SPON1: variants seen among roughly 807,000 people sequenced by gnomAD.
SPON1 encodes the protein spondin 1.
SPON1 carries 52 observed loss-of-function variants against 111.7 expected under a neutral mutation model. That is an observed-to-expected ratio of 0.47 (90% CI 0.37 to 0.59). The LOEUF (loss-of-function observed/expected upper bound fraction) is 0.59. SPON1 is among the 20% of genes least tolerant of loss of function. The probability of loss-of-function intolerance (pLI) is 0.00; values close to 1 mark genes in which losing one functional copy is unlikely to be tolerated. For synonymous variants in SPON1, 410 were observed against 395.8 expected (o/e 1.04, Z -0.43); for missense variants, 957 against 1,068.5 (o/e 0.90, Z 1.46).
At chr11:14,206,438 A>G (rs1470782482) in intron 6 of SPON1, among the ~76,000 whole-genome samples, 3 of 152,220 alleles carry the variant, frequency 2.0e-5, no homozygotes, top group African/African-American at 7.2e-5. Flanking sequence ...TGATCCGCCC[A>G]CCTCAGCCTC....
At chr11:14,032,987 C>T (rs1265117369) in intron 2 of SPON1, among the ~76,000 whole-genome samples, 1 of 152,182 alleles carries the variant, frequency 6.6e-6, no homozygotes, top group African/African-American at 2.4e-5. Flanking sequence ...TGATAGGAAA[C>T]TTTGGTCGTG....
In SPON1 at chr11:14,028,210, G is replaced by A. The variant is rs998704599; in HGVS notation, c.346-13311G>A. 5.9e-5 allele frequency among the ~76,000 whole-genome samples: 9 copies of A among 152,238 alleles called. No homozygotes were observed. In the East Asian group the frequency reaches 1.2e-3, roughly 20 times the overall value. ...AGAATGTAGAGTCTGTGCCAGGTTT[G>A]GTGGCTCACACCTGTAATCTCAGCT... On this transcript the variant is annotated intron_variant, in intron 2 of 15. Transcript: ENST00000576479.
chr11:14,014,479 A>C (rs993171888), intron 2 of SPON1, among the ~76,000 whole-genome samples: 2 of 152,232 alleles, frequency 1.3e-5, no homozygotes, highest in Non-Finnish European at 2.9e-5. Flanking sequence ...GATTCAAGGA[A>C]CTATGGCAGG....
rs113156400 is a variant in SPON1, at chr11:14,186,525, G to A, written c.825+50957G>A. On this transcript the variant is annotated intron_variant, in intron 6 of 15. Coordinates refer to ENST00000576479, the MANE Select transcript of SPON1 (RefSeq NM_006108.4). ...TTTGATGTAGTGGGAAATTGTGAAT[G>A]GTATTTTCTTTGACTCTGTACCTTT... Among the ~76,000 whole-genome samples, 492 of 152,192 alleles carry A rather than the reference G, an allele frequency of 3.2e-3. 7 individuals are homozygous for A. The highest frequency in any genetic ancestry group is 0.011 in the African/African-American group (452 of 41,520).
intron 5 of SPON1, among the ~76,000 whole-genome samples, chr11:14,125,845 G>A (rs1296103506): frequency 6.6e-6 from 1 of 152,224 alleles, no homozygotes; most frequent in Non-Finnish European, 1.5e-5. Context: ...AGACAATGCA[G>A]TTAGCAAGCT....
chr11:14,019,355 AATTATAT>A (rs1554914583), intron 2 of SPON1, among the ~76,000 whole-genome samples: 1 of 150,636 alleles, frequency 6.6e-6, no homozygotes, highest in Non-Finnish European at 1.5e-5. Flanking sequence ...TATGTATATT[AATTATAT>A]ATTATACGTA....
intron 6 of SPON1, among the ~76,000 whole-genome samples, chr11:14,156,863 A>T (rs1261743682): frequency 1.3e-5 from 2 of 152,138 alleles, no homozygotes; most frequent in East Asian, 3.9e-4. Context: ...ACACACTTTT[A>T]AACAACCAAA....
At chr11:14,163,138 C>T (rs575723831) in intron 6 of SPON1, among the ~76,000 whole-genome samples, 2 of 152,272 alleles carry the variant, frequency 1.3e-5, no homozygotes, top group Admixed American at 6.5e-5. Context: ...TTAATAATAA[C>T]AGTGCACTTT....
intron 5 of SPON1, among the ~76,000 whole-genome samples, chr11:14,111,044 T>A (rs1554925415): frequency 6.6e-6 from 1 of 152,238 alleles, no homozygotes; most frequent in Non-Finnish European, 1.5e-5. Context: ...ATTCTGGGGT[T>A]CACTCCATCT....
intron 6 of SPON1, among the ~76,000 whole-genome samples, chr11:14,178,723 G>A (rs890723669): frequency 1.3e-5 from 2 of 152,192 alleles, no homozygotes; most frequent in East Asian, 3.8e-4. Flanking sequence ...AAGCACTAAA[G>A]TGTCAATCTA....
Position 13,990,018 on chromosome 11 carries a change from T to C in SPON1, c.345+7065T>C, listed in dbSNP as rs565431599. Among the ~76,000 whole-genome samples, 18 of 152,330 alleles carry C rather than the reference T, an allele frequency of 1.2e-4. 1 individual carries two copies. Among genetic ancestry groups the C allele is most frequent in the Admixed American group, 9.8e-4 (15 of 15,308 alleles). Reference sequence around the variant, plus strand: ...GATGAGGTGCTGAGAAGAATGTATATTCTGTTGATTTGGGGTGGAGACTTC... The same window carrying C: ...GATGAGGTGCTGAGAAGAATGTATACTCTGTTGATTTGGGGTGGAGACTTC... On this transcript the variant is annotated intron_variant, in intron 2 of 15. Transcript: ENST00000576479.
chr11:14,114,108 A>T (rs750835461), intron 5 of SPON1, among the ~76,000 whole-genome samples: 23 of 152,164 alleles, frequency 1.5e-4, no homozygotes, highest in Non-Finnish European at 7.3e-5. Context: ...ACAATTATTG[A>T]CCATAGTCAC....
intron 6 of SPON1, among the ~76,000 whole-genome samples, chr11:14,140,894 A>G (rs1847646276): frequency 1.3e-5 from 2 of 152,004 alleles, no homozygotes; most frequent in South Asian, 4.2e-4. Context: ...TGGGAGTTCC[A>G]TTTCTTGGAG....
intron 1 of SPON1, among the ~76,000 whole-genome samples, chr11:13,980,055 T>G (rs925599355): frequency 9.9e-5 from 15 of 152,134 alleles, no homozygotes; most frequent in Admixed American, 7.9e-4. Context: ...CCTTCTTTTT[T>G]TTTTTGACAG....
At chr11:13,966,948 G>A in intron 1 of SPON1, among the ~76,000 whole-genome samples, 1 of 152,184 alleles carries the variant, frequency 6.6e-6, no homozygotes, top group Non-Finnish European at 1.5e-5. Context: ...GTTATGAGAT[G>A]ATTATTTTGG....
chr11:14,080,517 C>T (rs892201600), intron 5 of SPON1, among the ~76,000 whole-genome samples: 2 of 152,200 alleles, frequency 1.3e-5, no homozygotes, highest in Non-Finnish European at 2.9e-5. Context: ...GTGTGAGCCA[C>T]TGTGCCCAGC....
chr11:14,229,457 A>G (rs1848771996), intron 6 of SPON1, among the ~76,000 whole-genome samples: 1 of 152,210 alleles, frequency 6.6e-6, no homozygotes, highest in Admixed American at 6.5e-5. Flanking sequence ...AAGGTGGGTC[A>G]GGCAGTAGTG....
intron 6 of SPON1, among the ~76,000 whole-genome samples, chr11:14,214,148 T>C (rs1226007983): frequency 6.6e-6 from 1 of 152,198 alleles, no homozygotes; most frequent in Non-Finnish European, 1.5e-5. Context: ...TGGTTTTGCT[T>C]CCTTCCTTAA....
intron 6 of SPON1, among the ~76,000 whole-genome samples, chr11:14,192,037 C>T (rs531208225): frequency 6.6e-6 from 1 of 151,982 alleles, no homozygotes; most frequent in East Asian, 1.9e-4. Context: ...TAATCAGAAG[C>T]GTGGGTTTTA....
Sources: gnomAD v4.1 joint callset for allele counts (sites outside exome capture counted in the v4.1 genomes callset) on GRCh38, gnomAD v4.1.1 for gene constraint, MANE v1.5 for transcripts, NCBI Gene and HGNC (gene_info 2026-07-23, HGNC 2026-07-21) for gene names.